The following RNF167 variants were observed in gnomAD, a reference collection of about 807,000 sequenced individuals.
RNF167 encodes ring finger protein 167.
Under a neutral mutation model 34.8 loss-of-function variants are expected in RNF167, and 19 were observed. The observed-to-expected ratio is 0.55, with a 90% CI of 0.38 to 0.80. The LOEUF (loss-of-function observed/expected upper bound fraction) is 0.80, where lower values mean the gene tolerates loss of function less well. Ranked by LOEUF, RNF167 falls within the 30% of genes least tolerant of loss-of-function variation. The pLI, the probability that RNF167 is intolerant of heterozygous loss-of-function variation, is 0.00. For synonymous variants in RNF167, 200 were observed against 170.4 expected, an observed-to-expected ratio of 1.17 and a Z score of -1.35; for missense variants, 464 against 447.0, an observed-to-expected ratio of 1.04 and a Z score of -0.34.
intron 3 of RNF167, among the ~76,000 whole-genome samples, chr17:4,941,560 A>G (rs1455725513): frequency 6.6e-6 from 1 of 152,220 alleles, no homozygotes; most frequent in Non-Finnish European, 1.5e-5. Flanking sequence ...TGTGAAGATC[A>G]AAGTAGATAC....
rs774643707 is a variant in RNF167, at chr17:4,942,916, C to T, written c.445C>T (p.Arg149Cys). The change falls in exon 6 of 10, where the codon CGT (arginine) becomes TGT (cysteine). Residue 149 changes from arginine to cysteine, a missense_variant. Arg to Cys is a radical substitution (Grantham distance 180). Transcript: ENST00000262482. ...TGGGGAGAGAAGCTCCGAGTACCTGCGTGCCCTCTTTGTCTACGAGAAGGG... is the reference window on the plus strand; with the variant it reads ...TGGGGAGAGAAGCTCCGAGTACCTGTGTGCCCTCTTTGTCTACGAGAAGGG... ...FIGERSSEYL[R>C]ALFVYEKGAR... 8 of 1,613,992 alleles carry T rather than the reference C, an allele frequency of 5.0e-6. No homozygotes were observed. Among genetic ancestry groups the T allele is most frequent in the Middle Eastern group, 1.6e-4 (1 of 6,084 alleles).
intron 5 of RNF167, 21 bp from the exon 6 acceptor site, chr17:4,942,830 G>T: frequency 6.2e-7 from 1 of 1,612,346 alleles, no homozygotes; most frequent in Non-Finnish European, 8.5e-7. Flanking sequence ...AGTCCCCAGA[G>T]TAACACCTTG....
Position 4,940,690 on chromosome 17 carries a change from A to G in RNF167, c.-220A>G, listed in dbSNP as rs1424577548. On this transcript the variant is annotated 5_prime_UTR_variant, in exon 2 of 10. Coordinates refer to ENST00000262482, the MANE Select transcript of RNF167 (RefSeq NM_015528.3). ...CGTTTTATCCCCGTACCAGAAAAGG[A>G]TACATTTAGTGCCTCCCACCCAGCT... 2.2e-6 allele frequency: 1 copy of G among 448,314 alleles called. No individual in the cohort carries two copies. Among genetic ancestry groups the G allele is most frequent in the Admixed American group, 4.0e-5 (1 of 25,266 alleles). The allele number at this position is 448,314 out of a possible 1,614,324, so 27.8% of individuals were successfully genotyped here.
Position 4,942,415 on chromosome 17 carries a change from G to A in RNF167, c.240G>A (p.Gly80=), listed in dbSNP as rs559870701. 86 of 1,614,154 alleles carry A rather than the reference G, an allele frequency of 5.3e-5. No homozygotes were observed. In the South Asian group the frequency reaches 9.2e-4, roughly 17 times the overall value. Residue 80 remains glycine, a synonymous_variant, in exon 4 of 10, where the codon GGG becomes GGA. Transcript: ENST00000262482. ...CACCACCCCCAGCCCCGGTCAATGG[G>A]TCAGTCTTTATTGCGCTGCTTCGAA... is the stretch of plus-strand genomic sequence containing the variant. ...IAPPPPAPVN[G]SVFIALLRRF...
At chr17:4,944,357 C>T (rs1280039843) in intron 8 of RNF167, 2 of 1,279,068 alleles carry the variant, frequency 1.6e-6, no homozygotes, top group East Asian at 6.5e-5. Context: ...AAACCCACTT[C>T]CCTTCTTACC....
chr17:4,942,567 G>C lies in RNF167; in HGVS notation c.292-10G>C, dbSNP rs1227306095. 1.1e-5 allele frequency: 17 copies of C among 1,613,976 alleles called. No homozygotes were observed. Among genetic ancestry groups the C allele is most frequent in the Non-Finnish European group, 1.4e-5 (17 of 1,179,966 alleles). On this transcript the variant is annotated splice_polypyrimidine_tract_variant and intron_variant, in intron 4 of 9. Coordinates refer to ENST00000262482, the MANE Select transcript of RNF167 (RefSeq NM_015528.3). ...ATGATGGCTCCTTGTCCTCTGCCTT[G>C]TCTCCCTAGGTCCTAAATGCCCAGA...
intron 8 of RNF167, 88 bp from the exon 9 acceptor site, chr17:4,944,470 G>A (rs1285775266): frequency 6.6e-7 from 1 of 1,509,038 alleles, no homozygotes; most frequent in Non-Finnish European, 8.8e-7. Flanking sequence ...CTTTGTAGGT[G>A]AGGGGAAATT....
intron 8 of RNF167, 96 bp from the exon 9 acceptor site, chr17:4,944,462 T>C: frequency 6.6e-7 from 1 of 1,504,922 alleles, no homozygotes; most frequent in Non-Finnish European, 8.9e-7. Flanking sequence ...TCCACTGGCT[T>C]TGTAGGTGAG....
rs749143991 is a variant in RNF167 at position 4,945,019 on chromosome 17, A to AC, written c.*9dup. 1.4e-4 allele frequency: 208 copies of AC among 1,524,294 alleles called. 1 individual carries two copies. The East Asian group carries it at 4.5e-3, about 33-fold the overall frequency. The allele number at this position is 1,524,294 out of a possible 1,614,324, so 94.4% of individuals were successfully genotyped here. On this transcript the variant is annotated 3_prime_UTR_variant, in exon 10 of 10. Transcript: ENST00000262482. ...CTTCCCCTGTTATCCTGGTCTAATA[A>AC]CCCCCCACACATACACCTCTGGTGA...
chr17:4,941,058 T>G lies in RNF167; in HGVS notation c.85-19T>G. On this transcript the variant is annotated intron_variant, in intron 2 of 9. Coordinates refer to ENST00000262482, the MANE Select transcript of RNF167 (RefSeq NM_015528.3). ...AAGGGTTGCAGGCTGAAGGGGAACATCGCCTTTTTTGTCCGCAGACCTCGG... is the reference window on the plus strand; with the variant it reads ...AAGGGTTGCAGGCTGAAGGGGAACAGCGCCTTTTTTGTCCGCAGACCTCGG... The G allele has an allele frequency of 6.2e-7, 1 of 1,614,112 alleles. No homozygotes were observed. The highest frequency in any genetic ancestry group is 1.1e-5 in the South Asian group (1 of 91,082).
At chr17:4,942,741 A>G in intron 5 of RNF167, 77 bp downstream of exon 5, 1 of 1,587,990 alleles carries the variant, frequency 6.3e-7, no homozygotes, top group Non-Finnish European at 8.6e-7. Context: ...GCCTCAGGAA[A>G]AGAAGCCAAT....
chr17:4,940,996 G>A lies in RNF167; in HGVS notation c.84+3G>A. 6.2e-7 allele frequency: 1 copy of A among 1,612,694 alleles called. No individual in the cohort carries two copies. Among genetic ancestry groups the A allele is most frequent in the South Asian group, 1.1e-5 (1 of 91,024 alleles). On this transcript the variant is annotated splice_donor_region_variant and intron_variant, in intron 2 of 9. Transcript: ENST00000262482. ...CGACCCGGGGGCTCATTCGAGCGGTGAGTCTGAGGGACGGATGGGGAAAGG... is the reference window on the plus strand; with the variant it reads ...CGACCCGGGGGCTCATTCGAGCGGTAAGTCTGAGGGACGGATGGGGAAAGG...
rs757654757 is a variant in RNF167, at chr17:4,940,934, C to T, written c.25C>T (p.Pro9Ser). 1 of 1,609,624 alleles carries T rather than the reference C, an allele frequency of 6.2e-7. No individual in the cohort carries two copies. MHPAAFPL[P>S]VVVAAVLWGA... ...CATGCACCCTGCAGCCTTCCCGCTT[C>T]CTGTGGTTGTGGCCGCTGTGCTGTG... Residue 9 changes from proline to serine, a missense_variant, in exon 2 of 10, where the codon CCT becomes TCT. Physicochemically the swap from Pro to Ser is moderately conservative, Grantham distance 74 (BLOSUM62 -1). Coordinates refer to ENST00000262482, the MANE Select transcript of RNF167 (RefSeq NM_015528.3).
In RNF167 at chr17:4,944,975, C is replaced by A; in HGVS notation, c.1012C>A (p.Pro338Thr). 6.3e-7 allele frequency: 1 copy of A among 1,583,734 alleles called. No homozygotes were observed. The highest frequency in any genetic ancestry group is 2.2e-5 in the East Asian group (1 of 44,630). Residue 338 changes from proline to threonine, a missense_variant, in exon 10 of 10, where the codon CCC (proline) becomes ACC (threonine). Coordinates refer to ENST00000262482, the MANE Select transcript of RNF167 (RefSeq NM_015528.3). ...PLVFPGPSTD[P>T]PLSPPSSPVI... is the part of the protein sequence containing the mutation. Reference sequence around the variant, plus strand: ...TGTTTTTCCTGGGCCTTCAACAGATCCCCCACTGTCCCCTCCCTCTTCCCC... The same window carrying A: ...TGTTTTTCCTGGGCCTTCAACAGATACCCCACTGTCCCCTCCCTCTTCCCC...
chr17:4,942,401 G>T lies in RNF167; in HGVS notation c.226G>T (p.Ala76Ser), dbSNP rs774041420. The T allele has an allele frequency of 6.2e-7, 1 of 1,614,072 alleles. No homozygotes were observed. Among genetic ancestry groups the T allele is most frequent in the South Asian group, 1.1e-5 (1 of 91,084 alleles). Residue 76 changes from alanine (A) to serine (S), a missense_variant, in exon 4 of 10, where the codon GCC becomes TCC. By Grantham distance (99) the Ala-to-Ser change is moderately conservative. Transcript: ENST00000262482. ...ACSPIAPPPP[A>S]PVNGSVFIAL... Reference sequence around the variant, plus strand: ...CAGCCCCATTGCCCCACCACCCCCAGCCCCGGTCAATGGGTCAGTCTTTAT... The same window carrying T: ...CAGCCCCATTGCCCCACCACCCCCATCCCCGGTCAATGGGTCAGTCTTTAT...
chr17:4,940,862 C>G lies in RNF167; in HGVS notation c.-48C>G. The G allele has an allele frequency of 6.6e-7, 1 of 1,507,580 alleles. No individual in the cohort carries two copies. The allele number at this position is 1,507,580 out of a possible 1,614,324, so 93.4% of individuals were successfully genotyped here. Reference sequence around the variant, plus strand: ...AGGGCGCAGAACTCCGCTTCTGCTCCTTGCTACCAGGACGCGCGGCCTCCT... The same window carrying G: ...AGGGCGCAGAACTCCGCTTCTGCTCGTTGCTACCAGGACGCGCGGCCTCCT... On this transcript the variant is annotated 5_prime_UTR_variant, in exon 2 of 10. Transcript: ENST00000262482.
intron 8 of RNF167, chr17:4,944,239 G>C (rs1331922986): frequency 4.0e-6 from 1 of 252,496 alleles, no homozygotes; most frequent in Non-Finnish European, 7.1e-6. Context: ...GTACCAAGGG[G>C]CTGGGGCTTT....
chr17:4,944,258 G>C, intron 8 of RNF167: 1 of 321,824 alleles, frequency 3.1e-6, no homozygotes, highest in Non-Finnish European at 5.0e-6. Flanking sequence ...TTAGGCCCTG[G>C]GGCCTCCAGT....
In RNF167 at chr17:4,943,272, GGGA is replaced by G. The variant is rs1311916638; in HGVS notation, c.566_568del (p.Gly189del). On this transcript the variant is annotated inframe_deletion, in exon 7 of 10. Transcript: ENST00000262482. ...TTGTGGGACTGCTGGTTTTGGCCATGGGAGCAGTAATGGTGAGTAGCTGAGGGA... is the reference window on the plus strand; with the variant it reads ...TTGTGGGACTGCTGGTTTTGGCCATGGCAGTAATGGTGAGTAGCTGAGGGA... 1 of 1,613,846 alleles carries G rather than the reference GGGA, an allele frequency of 6.2e-7. No individual in the cohort carries two copies. Among genetic ancestry groups the G allele is most frequent in the Non-Finnish European group, 8.5e-7 (1 of 1,179,874 alleles).
Sources: allele counts gnomAD v4.1 joint callset (sites outside exome capture counted in the v4.1 genomes callset), GRCh38; gene constraint gnomAD v4.1.1; transcripts MANE v1.5; gene names NCBI Gene and HGNC (gene_info 2026-07-23, HGNC 2026-07-21).